Variants in STS observed in about 807,000 individuals in gnomAD.
The protein encoded by STS is steryl-sulfatase.
Under a neutral mutation model 26.8 loss-of-function variants are expected in STS, and 7 were observed. That is an observed-to-expected ratio of 0.26 (90% CI 0.15 to 0.49). The LOEUF (loss-of-function observed/expected upper bound fraction) is 0.49, where lower values mean the gene tolerates loss of function less well. STS is among the 20% of genes least tolerant of loss of function. The pLI is 0.98. For synonymous variants in STS, 199 were observed against 189.4 expected (o/e 1.05, Z -0.42); for missense variants, 434 against 465.6 (o/e 0.93, Z 0.63).
chrX:7,171,187 C>G (rs1933460692), intron 1 of STS, among the ~76,000 whole-genome samples: 1 of 111,840 alleles, frequency 8.9e-6, no homozygotes, highest in African/African-American at 3.2e-5. Context: ...GTTCGGCCTC[C>G]TGGGGCTGGC....
At chrX:7,176,666 A>G (rs1216542530) in intron 1 of STS, among the ~76,000 whole-genome samples, 1 of 111,817 alleles carries the variant, frequency 8.9e-6, no homozygotes, top group African/African-American at 3.3e-5. Context: ...ACATGACAGC[A>G]GGAGACAGAA....
rs1932906949 is a variant in STS at position 7,147,901 on chromosome X, G to A, written c.-316G>A. 3.0e-6 allele frequency: 1 copy of A among 331,653 alleles called. No homozygotes were observed. The highest frequency in any genetic ancestry group is 6.1e-5 in the East Asian group (1 of 16,475). The allele number at this position is 331,653 out of a possible 1,213,427, so 27.3% of individuals were successfully genotyped here. ...GCTCCTGGCCGCCGCCCGACTTCGG[G>A]GCCAGCCGGGGGCAGAGCGCGCGGG... On this transcript the variant is annotated 5_prime_UTR_variant, in exon 1 of 11. Coordinates refer to ENST00000674429, the MANE Select transcript of STS (RefSeq NM_001320752.2).
At chrX:7,177,449 T>A (rs1356701292) in intron 1 of STS, among the ~76,000 whole-genome samples, 3 of 106,912 alleles carry the variant, frequency 2.8e-5, no homozygotes, top group East Asian at 2.8e-4. Flanking sequence ...TAATTTAAAA[T>A]ATATATATAT....
intron 2 of STS, among the ~76,000 whole-genome samples, chrX:7,193,595 G>A (rs749157332): frequency 6.4e-4 from 71 of 111,236 alleles, no homozygotes; most frequent in Admixed American, 2.3e-3. Context: ...CATGATAAAC[G>A]AATACAGCAT....
At chrX:7,162,140 G>T (rs1448094112) in intron 1 of STS, among the ~76,000 whole-genome samples, 1 of 111,392 alleles carries the variant, frequency 9.0e-6, no homozygotes, top group Non-Finnish European at 1.9e-5. Context: ...CCATTGTTTT[G>T]TTTCCATCTT....
chrX:7,175,867 A>G (rs775521187), intron 1 of STS, among the ~76,000 whole-genome samples: 1 of 111,050 alleles, frequency 9.0e-6, no homozygotes, highest in East Asian at 2.8e-4. Flanking sequence ...TGAGTTTCCA[A>G]AATACCTCTT....
chrX:7,260,063 G>A (rs1313435430), intron 6 of STS, among the ~76,000 whole-genome samples: 11 of 111,716 alleles, frequency 9.8e-5, no homozygotes, highest in Non-Finnish European at 1.9e-5. Context: ...TTTTAGTAGA[G>A]ACGGGGTTTC....
chrX:7,311,944 T>C (rs138215928), intron 8 of STS, among the ~76,000 whole-genome samples: 4,351 of 111,580 alleles, frequency 0.039, 192 homozygotes, highest in African/African-American at 0.13. Context: ...AGAGGATCGC[T>C]TGAGCCCAGG....
chrX:7,306,541 G>C (rs1320878444), intron 8 of STS, among the ~76,000 whole-genome samples: 1 of 112,062 alleles, frequency 8.9e-6, no homozygotes, highest in Non-Finnish European at 1.9e-5. Flanking sequence ...ATATAACATG[G>C]TGTCTTCCCT....
chrX:7,309,191 C>T (rs1307633988), intron 8 of STS, among the ~76,000 whole-genome samples: 2 of 111,256 alleles, frequency 1.8e-5, no homozygotes. Context: ...TATATATACA[C>T]CATGGAATAC....
rs780499089 is a variant in STS, at chrX:7,354,641, A to G, written c.*4380A>G. ...TGAATAAAGTAATTGTAATACACCAATATTTTACTTTGTTGAGTATTATTT... is the reference window on the plus strand; with the variant it reads ...TGAATAAAGTAATTGTAATACACCAGTATTTTACTTTGTTGAGTATTATTT... On this transcript the variant is annotated 3_prime_UTR_variant, in exon 11 of 11. Coordinates refer to ENST00000674429, the MANE Select transcript of STS (RefSeq NM_001320752.2). 16 of 111,593 alleles carry G rather than the reference A, an allele frequency of 1.4e-4. No homozygotes were observed. The highest frequency in any genetic ancestry group is 2.4e-4 in the Non-Finnish European group (13 of 53,163). The allele number at this position is 111,593 out of a possible 1,213,427, so 9.2% of individuals were successfully genotyped here. A position where few individuals can be genotyped will look rare whatever the true frequency, so the allele number is the denominator to read the frequency against.
At chrX:7,336,461 C>A (rs1928034321) in intron 10 of STS, among the ~76,000 whole-genome samples, 1 of 111,912 alleles carries the variant, frequency 8.9e-6, no homozygotes, top group African/African-American at 3.2e-5. Context: ...AGAAATCACA[C>A]CAGGTTTATG....
chrX:7,317,684 G>A (rs917324448), intron 8 of STS, among the ~76,000 whole-genome samples: 1 of 110,853 alleles, frequency 9.0e-6, no homozygotes, highest in Admixed American at 9.7e-5. Flanking sequence ...TGCCCAGCCT[G>A]GTCTCAAACC....
intron 1 of STS, among the ~76,000 whole-genome samples, chrX:7,150,804 G>A (rs1296780779): frequency 9.0e-6 from 1 of 111,098 alleles, no homozygotes; most frequent in African/African-American, 3.3e-5. Context: ...GGAAAAGAAT[G>A]AAATTTTGTT....
intron 6 of STS, among the ~76,000 whole-genome samples, chrX:7,269,132 C>G (rs1924149717): frequency 1.0e-5 from 1 of 99,750 alleles, no homozygotes; most frequent in African/African-American, 3.7e-5. Flanking sequence ...GCCTGCACAA[C>G]AGAGCAAGAC....
chrX:7,207,233 ATTT>A (rs1323057277), intron 2 of STS, among the ~76,000 whole-genome samples: 32 of 111,892 alleles, frequency 2.9e-4, no homozygotes, highest in Non-Finnish European at 3.8e-4. Flanking sequence ...AAGGAAACAC[ATTT>A]TAAAGAGTTG....
intron 10 of STS, among the ~76,000 whole-genome samples, chrX:7,343,217 A>G (rs1447123905): frequency 8.9e-6 from 1 of 112,104 alleles, no homozygotes; most frequent in Non-Finnish European, 1.9e-5. Flanking sequence ...TACCAGTTGA[A>G]CATCATTCAT....
At position 7,289,546 on chromosome X, in the gene STS, A is replaced by C. The variant is rs769489648; in HGVS notation, c.943+13459A>C. Among the ~76,000 whole-genome samples the C allele has an allele frequency of 4.5e-5, 5 of 111,601 alleles. No individual in the cohort carries two copies. In the South Asian group the frequency reaches 1.5e-3, roughly 34 times the overall value. Reference sequence around the variant, plus strand: ...GAGGAGGGAGCAGCTGGCTGGTGCTACTGTGCATCCTTCCCTGACCTGTGG... The same window carrying C: ...GAGGAGGGAGCAGCTGGCTGGTGCTCCTGTGCATCCTTCCCTGACCTGTGG... On this transcript the variant is annotated intron_variant, in intron 7 of 10. Transcript: ENST00000674429.
chrX:7,168,854 C>T (rs1933403119), intron 1 of STS, among the ~76,000 whole-genome samples: 1 of 111,593 alleles, frequency 9.0e-6, no homozygotes, highest in Non-Finnish European at 1.9e-5. Flanking sequence ...GTCCTCCTTC[C>T]ACTCACAGTA....
Sources: gnomAD v4.1 joint callset for allele counts (sites outside exome capture counted in the v4.1 genomes callset) on GRCh38, gnomAD v4.1.1 for gene constraint, MANE v1.5 for transcripts, NCBI Gene and HGNC (gene_info 2026-07-23, HGNC 2026-07-21) for gene names.